ITGB8: variants seen among roughly 807,000 people sequenced by gnomAD.
ITGB8 encodes integrin subunit beta 8.
A neutral mutation model predicts 89.5 loss-of-function variants in ITGB8; 30 were observed. That is an observed-to-expected ratio of 0.34 (90% CI 0.25 to 0.45). The LOEUF is 0.45. Among genes scored for constraint, ITGB8 ranks in the 20% least tolerant of loss-of-function variants. The pLI is 1.00. For synonymous variants in ITGB8, 335 were observed against 320.4 expected, an observed-to-expected ratio of 1.05 and a Z score of -0.49; for missense variants, 836 against 933.3, an observed-to-expected ratio of 0.90 and a Z score of 1.36.
intron 3 of ITGB8, among the ~76,000 whole-genome samples, chr7:20,370,651 C>A (rs920506061): frequency 1.3e-5 from 2 of 151,408 alleles, no homozygotes; most frequent in Admixed American, 6.6e-5. Flanking sequence ...CCCTCTGTCA[C>A]CCAGGCTGGA....
intron 7 of ITGB8, among the ~76,000 whole-genome samples, chr7:20,394,146 G>T (rs1786976386): frequency 6.6e-6 from 1 of 152,208 alleles, no homozygotes; most frequent in Non-Finnish European, 1.5e-5. Flanking sequence ...CTGGCATCCA[G>T]CAGGAACTTA....
chr7:20,380,897 ATTTTCTC>A, intron 5 of ITGB8, 66 bp downstream of exon 5: 2 of 1,365,474 alleles, frequency 1.5e-6, no homozygotes, highest in Non-Finnish European at 2.0e-6. Context: ...TAGACGTTTT[ATTTTCTC>A]TTTGATTTGT....
At position 20,376,720 on chromosome 7, in the gene ITGB8, G is replaced by C. The variant is rs560722474; in HGVS notation, c.389-2331G>C. ...CAGCCTAGCTAGGTCTATTTACCTT[G>C]AATTGACTACTTAAAGCTAGACCCT... On this transcript the variant is annotated intron_variant, in intron 3 of 13. Transcript: ENST00000222573. Among the ~76,000 whole-genome samples the C allele has an allele frequency of 7.9e-5, 12 of 152,270 alleles. No homozygotes were observed. The South Asian group carries it at 1.5e-3, about 18-fold the overall frequency.
chr7:20,346,593 A>T, intron 1 of ITGB8: 2 of 443,630 alleles, frequency 4.5e-6, no homozygotes, highest in Non-Finnish European at 6.0e-6. Context: ...CTTAATTCTT[A>T]GGGAAGGAAG....
At chr7:20,406,476 G>A (rs933946656) in intron 12 of ITGB8, among the ~76,000 whole-genome samples, 2 of 152,032 alleles carry the variant, frequency 1.3e-5, no homozygotes, top group Non-Finnish European at 2.9e-5. Context: ...CTTGAATCCG[G>A]GAGGCGGAGG....
intron 9 of ITGB8, among the ~76,000 whole-genome samples, chr7:20,399,974 T>A (rs1383467363): frequency 1.3e-5 from 2 of 152,220 alleles, no homozygotes; most frequent in African/African-American, 4.8e-5. Context: ...TTAAATTAAT[T>A]ATTGCAAGTT....
At position 20,335,398 on chromosome 7, in the gene ITGB8, G is replaced by T. The variant is rs963428081; in HGVS notation, c.127+3465G>T. Among the ~76,000 whole-genome samples, 4 of 152,080 alleles carry T rather than the reference G, an allele frequency of 2.6e-5. No homozygotes were observed. The East Asian group carries it at 5.8e-4, about 22-fold the overall frequency. On this transcript the variant is annotated intron_variant, in intron 1 of 13. Transcript: ENST00000222573. The stretch of plus-strand genomic sequence containing the variant: ...TGGATATGTAATAGCTTTTTGATAC[G>T]CATGTATATGAACAGAGAAAAACAA...
chr7:20,353,296 G>C (rs1228057208), intron 1 of ITGB8: 3 of 152,166 alleles, frequency 2.0e-5, no homozygotes, highest in African/African-American at 4.8e-5. Flanking sequence ...TATGTAACAG[G>C]AGAAGTTGAA....
intron 2 of ITGB8, chr7:20,366,626 G>A (rs541008143): frequency 6.7e-5 from 12 of 179,346 alleles, no homozygotes; most frequent in East Asian, 1.8e-4. Flanking sequence ...TTAGCTGGGC[G>A]TGGTGGTGTG....
At chr7:20,330,708 G>C (rs1004391433), upstream of ITGB8, 7 of 152,206 alleles carry the variant, frequency 4.6e-5, no homozygotes, top group South Asian at 2.1e-4. Context: ...GCTCCTGCCC[G>C]GGCTGCAGCC....
At chr7:20,353,837 CAGG>C (rs2128132693) in intron 1 of ITGB8, among the ~76,000 whole-genome samples, 1 of 137,954 alleles carries the variant, frequency 7.2e-6, no homozygotes, top group East Asian at 2.2e-4. Flanking sequence ...GAGGCTGAGG[CAGG>C]AGAATGGCGT....
At chr7:20,385,862 CT>C (rs1265713874) in intron 6 of ITGB8, among the ~76,000 whole-genome samples, 1 of 152,148 alleles carries the variant, frequency 6.6e-6, no homozygotes, top group Non-Finnish European at 1.5e-5. Context: ...AGGGATATTT[CT>C]GACATTTTCA....
chr7:20,336,377 A>C (rs920071247), intron 1 of ITGB8, among the ~76,000 whole-genome samples: 1 of 152,202 alleles, frequency 6.6e-6, no homozygotes, highest in African/African-American at 2.4e-5. Flanking sequence ...GACCTCCAGA[A>C]GGTGCAGCAA....
intron 2 of ITGB8, 59 bp from the exon 3 acceptor site, chr7:20,366,953 T>G (rs1785722437): frequency 8.5e-7 from 1 of 1,180,860 alleles, no homozygotes; most frequent in Non-Finnish European, 1.2e-6. Flanking sequence ...CTATGTCATT[T>G]TCTTTGGATG....
intron 6 of ITGB8, among the ~76,000 whole-genome samples, chr7:20,386,526 G>C (rs1786633058): frequency 6.7e-6 from 1 of 149,398 alleles, no homozygotes; most frequent in Non-Finnish European, 1.5e-5. Flanking sequence ...CCAAAGTGCT[G>C]GGATTACAGG....
intron 1 of ITGB8, among the ~76,000 whole-genome samples, chr7:20,341,642 G>A (rs978427602): frequency 2.0e-5 from 3 of 152,190 alleles, no homozygotes; most frequent in East Asian, 1.9e-4. Flanking sequence ...TCTTGAGCAC[G>A]TGCCTGTGGC....
At chr7:20,393,602 GC>G in intron 7 of ITGB8, among the ~76,000 whole-genome samples, 1 of 152,290 alleles carries the variant, frequency 6.6e-6, no homozygotes, top group Non-Finnish European at 1.5e-5. Flanking sequence ...GTCTCTGCTT[GC>G]CTTTCTGGCC....
intron 2 of ITGB8, 29 bp from the exon 3 acceptor site, chr7:20,366,983 A>C (rs749830980): frequency 1.9e-6 from 3 of 1,546,284 alleles, no homozygotes; most frequent in Non-Finnish European, 2.7e-6. Flanking sequence ...TACACTAAAA[A>C]CATCAGTGAT....
chr7:20,394,857 C>G (rs995519039), intron 7 of ITGB8, 39 bp from the exon 8 acceptor site: 2 of 1,358,296 alleles, frequency 1.5e-6, no homozygotes, highest in South Asian at 1.2e-5. Flanking sequence ...CCATTACATA[C>G]TATTGTCATT....
Sources: allele counts gnomAD v4.1 joint callset (sites outside exome capture counted in the v4.1 genomes callset), GRCh38; gene constraint gnomAD v4.1.1; transcripts MANE v1.5; gene names NCBI Gene and HGNC (gene_info 2026-07-23, HGNC 2026-07-21).